The following CEP72 variants were observed in gnomAD, a reference collection of about 807,000 sequenced individuals.
CEP72 encodes the protein centrosomal protein 72, also known as centrosomal protein of 72 kDa.
A neutral mutation model predicts 65.7 loss-of-function variants in CEP72; 78 were observed. That is an observed-to-expected ratio of 1.19 (90% CI 0.99 to 1.43). CEP72 has a LOEUF of 1.43. Among genes scored for constraint, CEP72 ranks in the 40% most tolerant of loss-of-function variants. The probability of loss-of-function intolerance (pLI) is 0.00; values close to 1 mark genes in which losing one functional copy is unlikely to be tolerated. For synonymous variants in CEP72, 358 were observed against 351.7 expected (o/e 1.02, Z -0.20); for missense variants, 914 against 832.9 (o/e 1.10, Z -1.20).
chr5:653,255 C>G lies in CEP72; in HGVS notation c.*102C>G, dbSNP rs78311453. 28,004 of 1,173,414 alleles carry G rather than the reference C, an allele frequency of 0.024. 390 individuals are homozygous for G. The highest frequency in any genetic ancestry group is 0.028 in the African/African-American group (1,808 of 64,524). The allele number at this position is 1,173,414 out of a possible 1,614,324, so 72.7% of individuals were successfully genotyped here. A position where few individuals can be genotyped will look rare whatever the true frequency, so the allele number is the denominator to read the frequency against. Reference sequence around the variant, plus strand: ...GAGTGTACTGGCTGGCAAGAGTTCTCTCTTCTGTTGGTAATTATTTAGGAT... The same window carrying G: ...GAGTGTACTGGCTGGCAAGAGTTCTGTCTTCTGTTGGTAATTATTTAGGAT... On this transcript the variant is annotated 3_prime_UTR_variant, in exon 12 of 12. Coordinates refer to ENST00000264935, the MANE Select transcript of CEP72 (RefSeq NM_018140.4).
intron 6 of CEP72, among the ~76,000 whole-genome samples, chr5:635,813 A>G (rs757233421): frequency 1.3e-5 from 2 of 152,262 alleles, no homozygotes; most frequent in Non-Finnish European, 2.9e-5. Context: ...CTTTATCGGG[A>G]ACCCAGCCCT....
downstream of CEP72, among the ~76,000 whole-genome samples, chr5:668,220 G>C (rs1440297834): frequency 9.7e-6 from 1 of 103,130 alleles, no homozygotes; most frequent in African/African-American, 4.0e-5. Context: ...CAAGCACACA[G>C]AGAGGGGGCC....
chr5:652,905 G>A (rs1739199659), intron 11 of CEP72, 83 bp from the exon 12 acceptor site: 1 of 1,405,362 alleles, frequency 7.1e-7, no homozygotes, highest in Non-Finnish European at 9.4e-7. Flanking sequence ...CCCATGCAGG[G>A]AGGTGGGCAG....
chr5:644,557 C>A, intron 10 of CEP72, 132 bp downstream of exon 10: 2 of 1,045,306 alleles, frequency 1.9e-6, no homozygotes, highest in Non-Finnish European at 2.9e-6. Flanking sequence ...GGAGCCGAGC[C>A]CCTGCCTCAC....
At chr5:628,753 AGTCC>A (rs1736973548) in intron 4 of CEP72, among the ~76,000 whole-genome samples, 2 of 45,790 alleles carry the variant, frequency 4.4e-5, no homozygotes, top group African/African-American at 1.5e-4. Flanking sequence ...CTCAGGTTGC[AGTCC>A]CCGGGGAGTG....
At chr5:641,817 C>G in intron 9 of CEP72, 1 of 983,974 alleles carries the variant, frequency 1.0e-6, no homozygotes, top group Non-Finnish European at 1.2e-6. Context: ...CACGTGGTCC[C>G]CGGTCCAGAA....
At chr5:669,414 C>T (rs1033587227), downstream of CEP72, among the ~76,000 whole-genome samples, 2 of 152,198 alleles carry the variant, frequency 1.3e-5, no homozygotes, top group Non-Finnish European at 2.9e-5. Context: ...CAGGCCACCC[C>T]AGGCAGCCCA....
At chr5:657,745 G>A (rs375238484), downstream of CEP72, among the ~76,000 whole-genome samples, 6 of 152,140 alleles carry the variant, frequency 3.9e-5, no homozygotes, top group African/African-American at 2.4e-5. Context: ...CCAGAGCAGC[G>A]GGAGCTGGTG....
chr5:620,787 T>G (rs1736339243), intron 3 of CEP72, among the ~76,000 whole-genome samples: 1 of 152,186 alleles, frequency 6.6e-6, no homozygotes, highest in African/African-American at 2.4e-5. Flanking sequence ...TCCATGACAG[T>G]CTTGTAGGCA....
At chr5:628,845 C>T (rs1425206089) in intron 4 of CEP72, among the ~76,000 whole-genome samples, 2 of 134,414 alleles carry the variant, frequency 1.5e-5, no homozygotes, top group Admixed American at 7.4e-5. Flanking sequence ...GCCCCAGGAC[C>T]CAGCGCCCTT....
chr5:641,415 C>T (rs1738011994), intron 9 of CEP72: 2 of 985,338 alleles, frequency 2.0e-6, no homozygotes, highest in East Asian at 2.3e-4. Flanking sequence ...GTGAAGTCGG[C>T]CCGGGACGGC....
chr5:670,958 T>C (rs1380425754), downstream of CEP72, among the ~76,000 whole-genome samples: 1 of 152,096 alleles, frequency 6.6e-6, no homozygotes, highest in African/African-American at 2.4e-5. Context: ...CCTACTTGGC[T>C]CAGAGGATGG....
downstream of CEP72, among the ~76,000 whole-genome samples, chr5:659,592 C>T (rs1207643771): frequency 1.3e-5 from 2 of 152,118 alleles, no homozygotes; most frequent in Non-Finnish European, 2.9e-5. Flanking sequence ...ATGTCCATTC[C>T]CCTTGAATCT....
intron 1 of CEP72, among the ~76,000 whole-genome samples, chr5:617,856 C>T (rs1177290647): frequency 6.6e-6 from 1 of 152,224 alleles, no homozygotes; most frequent in Admixed American, 6.5e-5. Flanking sequence ...CAGAGTAAGA[C>T]TCCATCTGAA....
intron 1 of CEP72, among the ~76,000 whole-genome samples, chr5:614,901 A>G (rs1735895277): frequency 6.6e-6 from 1 of 152,262 alleles, no homozygotes; most frequent in Non-Finnish European, 1.5e-5. Flanking sequence ...ATAAATATCA[A>G]TTAGATCCTG....
At position 620,181 on chromosome 5, in the gene CEP72, T is replaced by C; in HGVS notation, c.323T>C (p.Phe108Ser). ...HALTELVDVD[F>S]RLNPVVKVEP... ...TTAACCGAGCTCGTGGATGTGGACT[T>C]CCGGCTGAACCCCGTGGTGAAGGTT... Residue 108 changes from phenylalanine to serine, a missense_variant, in exon 3 of 12, where the codon TTC becomes TCC. Transcript: ENST00000264935. 6.2e-7 allele frequency: 1 copy of C among 1,614,204 alleles called. No homozygotes were observed. The highest frequency in any genetic ancestry group is 8.5e-7 in the Non-Finnish European group (1 of 1,180,028).
In CEP72 at chr5:645,824, T is replaced by C. The variant is rs1204888590; in HGVS notation, c.1666+1399T>C. ...TTTAGTGTTTAATGTTAGAGGTGTCTTGGTCTTTGGTGGTTTGGTGATGTT... is the reference window on the plus strand; with the variant it reads ...TTTAGTGTTTAATGTTAGAGGTGTCCTGGTCTTTGGTGGTTTGGTGATGTT... On this transcript the variant is annotated intron_variant, in intron 10 of 11. Coordinates refer to ENST00000264935, the MANE Select transcript of CEP72 (RefSeq NM_018140.4). This position sits in a 1 kb window ranked among gnomAD's most constrained non-coding sequence, Gnocchi z 4.0. 1.3e-5 allele frequency among the ~76,000 whole-genome samples: 2 copies of C among 152,270 alleles called. No individual in the cohort carries two copies. Among genetic ancestry groups the C allele is most frequent in the East Asian group, 3.8e-4 (2 of 5,206 alleles).
At chr5:658,818 G>A (rs948713624), downstream of CEP72, among the ~76,000 whole-genome samples, 9 of 151,604 alleles carry the variant, frequency 5.9e-5, no homozygotes, top group East Asian at 7.7e-4. Context: ...ACAGGCGCCC[G>A]CCACCACGCC....
intron 1 of CEP72, among the ~76,000 whole-genome samples, chr5:616,325 T>G (rs1175712406): frequency 6.6e-6 from 1 of 152,230 alleles, no homozygotes; most frequent in Non-Finnish European, 1.5e-5. Flanking sequence ...ATTTGTTTCT[T>G]CTTTATATCT....
Sources: gnomAD v4.1 joint callset for allele counts (sites outside exome capture counted in the v4.1 genomes callset) on GRCh38, gnomAD v4.1.1 for gene constraint, Gnocchi (gnomAD v3.1) non-coding constraint, MANE v1.5 for transcripts, NCBI Gene and HGNC (gene_info 2026-07-23, HGNC 2026-07-21) for gene names.